Variants in SPG7 observed in about 807,000 individuals in gnomAD.
The protein encoded by SPG7 is mitochondrial inner membrane m-AAA protease component paraplegin.
SPG7 carries 103 observed loss-of-function variants against 81.9 expected under a neutral mutation model. The ratio of observed to expected loss-of-function variants is 1.26; its 90% CI spans 1.07 to 1.48. The LOEUF is 1.48. SPG7 is among the 40% of genes most tolerant of loss of function. The probability of loss-of-function intolerance (pLI) is 0.00; values close to 1 mark genes in which losing one functional copy is unlikely to be tolerated. For synonymous variants in SPG7, 534 were observed against 444.2 expected (o/e 1.20, Z -2.54); for missense variants, 1,241 against 1,087.3 (o/e 1.14, Z -1.99).
intron 4 of SPG7, among the ~76,000 whole-genome samples, chr16:89,525,313 C>T (rs2058246001): frequency 6.6e-6 from 1 of 152,190 alleles, no homozygotes; most frequent in Non-Finnish European, 1.5e-5. Flanking sequence ...TTAAAATACA[C>T]CATGGCTAAG....
chr16:89,537,382 G>C (rs903904788), intron 9 of SPG7: 1 of 1,113,140 alleles, frequency 9.0e-7, no homozygotes, highest in Non-Finnish European at 1.1e-6. Flanking sequence ...GATGGGGAGC[G>C]TCGGCGCTGA....
chr16:89,550,622 A>G lies in SPG7; in HGVS notation c.1779+13A>G, dbSNP rs769949611. The G allele has an allele frequency of 2.5e-6, 4 of 1,593,288 alleles. No homozygotes were observed. The highest frequency in any genetic ancestry group is 3.4e-6 in the Non-Finnish European group (4 of 1,162,256). ...GGCCGTGATGAAGGTGGGTCTTGGC[A>G]GGTGCCGGCTCCACGGGCCTTGGCC... On this transcript the variant is annotated intron_variant, in intron 13 of 16. Transcript: ENST00000645818.
chr16:89,523,876 A>C (rs1320251130), intron 3 of SPG7, 130 bp from the exon 4 acceptor site: 2 of 1,143,418 alleles, frequency 1.7e-6, no homozygotes, highest in African/African-American at 3.1e-5. Context: ...GAATTGGAGG[A>C]AGTGCAGGAT....
chr16:89,553,829 G>A lies in SPG7; in HGVS notation c.1972G>A (p.Ala658Thr), dbSNP rs2058661391. 13 of 1,613,414 alleles carry A rather than the reference G, an allele frequency of 8.1e-6. No individual in the cohort carries two copies. Among genetic ancestry groups the A allele is most frequent in the South Asian group, 1.1e-5 (1 of 91,090 alleles). ...QDDLRKVTRIAYSMVKQFGMA... is the reference protein window; with the variant it reads ...QDDLRKVTRITYSMVKQFGMA... ...CGACCTGAGGAAGGTCACCCGCATCGCCTACTCCATGGTGAAGCAGTTTGG... is the reference window on the plus strand; with the variant it reads ...CGACCTGAGGAAGGTCACCCGCATCACCTACTCCATGGTGAAGCAGTTTGG... Residue 658 changes from alanine to threonine, a missense_variant, in exon 15 of 17, where the codon GCC becomes ACC. Transcript: ENST00000645818.
intron 7 of SPG7, chr16:89,531,567 T>G (rs1597632883): frequency 3.8e-5 from 12 of 316,404 alleles, no homozygotes; most frequent in South Asian, 8.9e-5. Flanking sequence ...AGAGACGGGG[T>G]TTTTCCATGT....
At chr16:89,515,487 T>C (rs940680823) in intron 3 of SPG7, among the ~76,000 whole-genome samples, 2 of 150,132 alleles carry the variant, frequency 1.3e-5, no homozygotes, top group African/African-American at 4.9e-5. Context: ...CAGACTGGTC[T>C]TGAACTCCTG....
intron 12 of SPG7, chr16:89,549,203 G>C (rs1370070658): frequency 2.2e-6 from 1 of 456,838 alleles, no homozygotes. Flanking sequence ...GAAGGACTGA[G>C]TGGGAACCAC....
chr16:89,513,829 G>T (rs1238933398), intron 3 of SPG7, among the ~76,000 whole-genome samples: 3 of 152,252 alleles, frequency 2.0e-5, no homozygotes, highest in African/African-American at 7.2e-5. Flanking sequence ...GAAGGCGAGT[G>T]AGGAACTGTC....
chr16:89,512,036 C>T (rs1178158617), intron 2 of SPG7, among the ~76,000 whole-genome samples: 1 of 151,954 alleles, frequency 6.6e-6, no homozygotes, highest in African/African-American at 2.4e-5. Context: ...CTCAGCCTCC[C>T]AAGTAGCTGG....
intron 5 of SPG7, 196 bp downstream of exon 5, chr16:89,526,664 A>G (rs550421191): frequency 1.3e-5 from 8 of 597,952 alleles, no homozygotes; most frequent in South Asian, 1.2e-4. Context: ...CTGGGTATCC[A>G]TGGGGGCTGG....
At position 89,531,965 on chromosome 16, in the gene SPG7, C is replaced by A. The variant is rs376254211; in HGVS notation, c.1049C>A (p.Pro350His). 25 of 1,613,846 alleles carry A rather than the reference C, an allele frequency of 1.5e-5. No individual in the cohort carries two copies. In the African/African-American group the frequency reaches 3.2e-4, roughly 21 times the overall value. Residue 350 changes from proline to histidine, a missense_variant, in exon 8 of 17, where the codon CCC (proline) becomes CAC (histidine). Coordinates refer to ENST00000645818, the MANE Select transcript of SPG7 (RefSeq NM_003119.4). Reference protein sequence around the residue: ...KVPKGALLLGPPGCGKTLLAK... With the variant: ...KVPKGALLLGHPGCGKTLLAK... ...CCAAAGGGCGCACTGCTGCTCGGCC[C>A]CCCCGGCTGTGGGAAGACGCTGCTG... is the stretch of plus-strand genomic sequence containing the variant.
intron 5 of SPG7, 112 bp from the exon 6 acceptor site, chr16:89,529,365 G>A: frequency 1.3e-6 from 1 of 741,600 alleles, no homozygotes. Context: ...CCCAGACGTA[G>A]GGATTCCTCG....
intron 7 of SPG7, chr16:89,531,380 A>ATT: frequency 5.6e-6 from 1 of 177,330 alleles, no homozygotes; most frequent in Non-Finnish European, 1.2e-5. Flanking sequence ...TATTTAATTA[A>ATT]TTTTTTTTTT....
At position 89,557,154 on chromosome 16, in the gene SPG7, T is replaced by C; in HGVS notation, c.*61T>C. 7.4e-7 allele frequency: 1 copy of C among 1,352,242 alleles called. No homozygotes were observed. Among genetic ancestry groups the C allele is most frequent in the Non-Finnish European group, 1.0e-6 (1 of 954,320 alleles). 83.8% of individuals were successfully genotyped at this position (1,352,242 alleles called of 1,614,324 possible). A position where few individuals can be genotyped will look rare whatever the true frequency, so the allele number is the denominator to read the frequency against. Reference sequence around the variant, plus strand: ...GAAGTGAGGGCTCACTCAGCCACCCTGAGTTGCTTTTCAGCTGAGGTTTGC... The same window carrying C: ...GAAGTGAGGGCTCACTCAGCCACCCCGAGTTGCTTTTCAGCTGAGGTTTGC... On this transcript the variant is annotated 3_prime_UTR_variant, in exon 17 of 17. Transcript: ENST00000645818.
At chr16:89,532,267 G>C (rs558936730) in intron 8 of SPG7, among the ~76,000 whole-genome samples, 196 bp from the exon 9 acceptor site, 1 of 152,346 alleles carries the variant, frequency 6.6e-6, no homozygotes, top group South Asian at 2.1e-4. Context: ...TTGTGGCCTG[G>C]GGGGCCAGCA....
At chr16:89,534,359 TGC>T (rs1175855861) in intron 9 of SPG7, among the ~76,000 whole-genome samples, 2 of 152,234 alleles carry the variant, frequency 1.3e-5, no homozygotes, top group Non-Finnish European at 2.9e-5. Flanking sequence ...GGCTGAACGA[TGC>T]TGCCTTGTGT....
intron 3 of SPG7, among the ~76,000 whole-genome samples, chr16:89,515,776 C>T (rs896967409): frequency 3.3e-4 from 50 of 151,404 alleles, no homozygotes; most frequent in African/African-American, 1.2e-3. Context: ...GGCACGATCT[C>T]GGCTCACTGC....
At chr16:89,531,161 A>C in intron 7 of SPG7, 1 of 385,386 alleles carries the variant, frequency 2.6e-6, no homozygotes, top group East Asian at 6.2e-5. Context: ...CGTCACTTAC[A>C]CGTTTCCTCC....
intron 5 of SPG7, chr16:89,529,199 G>T (rs147277040): frequency 6.0e-4 from 301 of 499,516 alleles, no homozygotes; most frequent in African/African-American, 5.0e-3. Context: ...ACTGAAAATA[G>T]AAAAACCTGA....
Sources: allele counts gnomAD v4.1 joint callset (sites outside exome capture counted in the v4.1 genomes callset), GRCh38; gene constraint gnomAD v4.1.1; transcripts MANE v1.5; gene names NCBI Gene and HGNC (gene_info 2026-07-23, HGNC 2026-07-21).